SOX5: variants seen among roughly 807,000 people sequenced by gnomAD.
SOX5 encodes transcription factor SOX-5.
A neutral mutation model predicts 92.0 loss-of-function variants in SOX5; 9 were observed. The observed-to-expected ratio is 0.10, with a 90% confidence interval of 0.06 to 0.17. SOX5 has a LOEUF of 0.17. SOX5 is among the 10% of genes least tolerant of loss of function. The pLI is 1.00. For synonymous variants in SOX5, 344 were observed against 336.3 expected (o/e 1.02, Z -0.25); for missense variants, 642 against 944.5 (o/e 0.68, Z 4.20).
chr12:24,067,095 GATTGAC>G (rs1940873952), intron 4 of SOX5, among the ~76,000 whole-genome samples: 2 of 152,172 alleles, frequency 1.3e-5, no homozygotes, highest in Non-Finnish European at 2.9e-5. Context: ...AATGAACTCT[GATTGAC>G]ATGAAAGATG....
At chr12:24,002,752 A>C (rs1362664722) in intron 4 of SOX5, among the ~76,000 whole-genome samples, 1 of 152,078 alleles carries the variant, frequency 6.6e-6, no homozygotes, top group African/African-American at 2.4e-5. Context: ...TCATTTAGAG[A>C]GGAAACAGTA....
chr12:23,926,923 G>T (rs1940123039), intron 1 of SOX5, among the ~76,000 whole-genome samples: 2 of 151,788 alleles, frequency 1.3e-5, no homozygotes, highest in African/African-American at 4.8e-5. Flanking sequence ...ATCTGCATTG[G>T]GTAATAGGAT....
chr12:23,620,220 C>T lies in SOX5; in HGVS notation c.1018-15687G>A, dbSNP rs531029354. Among the ~76,000 whole-genome samples, 4 of 152,104 alleles carry T rather than the reference C, an allele frequency of 2.6e-5. No homozygotes were observed. The South Asian group carries it at 8.3e-4, about 32-fold the overall frequency. Reference sequence around the variant, plus strand: ...AGGAAACATGACAAGTTTGTAGTGTCAGAAAGAAGCCAGTGAGACGCAGTG... The same window carrying T: ...AGGAAACATGACAAGTTTGTAGTGTTAGAAAGAAGCCAGTGAGACGCAGTG... On this transcript the variant is annotated intron_variant, in intron 8 of 14. Coordinates refer to ENST00000451604, the MANE Select transcript of SOX5 (RefSeq NM_006940.6).
At chr12:24,411,127 T>C (rs1333868418) in intron 1 of SOX5, among the ~76,000 whole-genome samples, 1 of 152,214 alleles carries the variant, frequency 6.6e-6, no homozygotes, top group African/African-American at 2.4e-5. Flanking sequence ...TATACAAATA[T>C]AACTGACTTT....
At chr12:24,119,990 T>A (rs1221645787) in intron 4 of SOX5, among the ~76,000 whole-genome samples, 2 of 152,240 alleles carry the variant, frequency 1.3e-5, no homozygotes, top group African/African-American at 2.4e-5. Context: ...TATAGTTGTG[T>A]GCAGTTGTAG....
At chr12:23,766,578 A>G (rs1328743421) in intron 3 of SOX5, among the ~76,000 whole-genome samples, 1 of 152,174 alleles carries the variant, frequency 6.6e-6, no homozygotes, top group Non-Finnish European at 1.5e-5. Flanking sequence ...CATCATAACA[A>G]ATATCCAAAA....
intron 1 of SOX5, among the ~76,000 whole-genome samples, chr12:23,941,346 A>G (rs1201872179): frequency 6.6e-6 from 1 of 151,620 alleles, no homozygotes; most frequent in African/African-American, 2.4e-5. Context: ...TTTCTCTAGA[A>G]GAATGCTTTT....
At chr12:23,775,183 T>C (rs2095058583) in intron 3 of SOX5, among the ~76,000 whole-genome samples, 1 of 152,228 alleles carries the variant, frequency 6.6e-6, no homozygotes, top group African/African-American at 2.4e-5. Context: ...TTGTTTCCTT[T>C]TCCCTATCTT....
chr12:24,490,898 A>C (rs1946998222), intron 1 of SOX5, among the ~76,000 whole-genome samples: 1 of 152,196 alleles, frequency 6.6e-6, no homozygotes, highest in African/African-American at 2.4e-5. Flanking sequence ...ATGGCTAAAA[A>C]ATGATATCAC....
At chr12:24,289,056 A>G (rs77581305) in intron 2 of SOX5, among the ~76,000 whole-genome samples, 5,281 of 152,184 alleles carry the variant, frequency 0.035, 172 homozygotes, top group East Asian at 0.079. Flanking sequence ...AGGGAGGCCA[A>G]GGTTGCTTGA....
chr12:23,581,077 G>A (rs1949977226), intron 9 of SOX5, among the ~76,000 whole-genome samples: 2 of 151,904 alleles, frequency 1.3e-5, no homozygotes. Context: ...ATTTTATAAT[G>A]TACAAATACC....
At chr12:23,945,642 C>T (rs1291699331) in intron 1 of SOX5, among the ~76,000 whole-genome samples, 1 of 152,086 alleles carries the variant, frequency 6.6e-6, no homozygotes, top group East Asian at 1.9e-4. Context: ...GTCTCCTCTA[C>T]AATGTAGTAG....
intron 6 of SOX5, among the ~76,000 whole-genome samples, chr12:23,693,449 A>T (rs1567021332): frequency 6.6e-6 from 1 of 152,166 alleles, no homozygotes; most frequent in Non-Finnish European, 1.5e-5. Context: ...ATTAAATTTG[A>T]TAAAACTGTT....
intron 7 of SOX5, among the ~76,000 whole-genome samples, chr12:23,650,905 G>A (rs1464999531): frequency 3.9e-5 from 6 of 152,096 alleles, no homozygotes; most frequent in African/African-American, 1.4e-4. Flanking sequence ...ATTGGAAGAA[G>A]GAGAGACTGC....
intron 4 of SOX5, among the ~76,000 whole-genome samples, chr12:23,992,923 G>A (rs1404821054): frequency 2.0e-5 from 3 of 152,076 alleles, no homozygotes; most frequent in South Asian, 4.1e-4. Flanking sequence ...CTCTATAGTG[G>A]AATATGTGAA....
intron 13 of SOX5, 78 bp downstream of exon 13, chr12:23,543,133 C>T: frequency 8.1e-7 from 1 of 1,239,580 alleles, no homozygotes; most frequent in Non-Finnish European, 1.1e-6. Context: ...CCTCCAAATC[C>T]AGGATCCTTC....
chr12:23,700,661 G>A (rs1377797681), intron 6 of SOX5, among the ~76,000 whole-genome samples: 2 of 151,956 alleles, frequency 1.3e-5, no homozygotes, highest in African/African-American at 2.4e-5. Context: ...GAGAGGGTAG[G>A]AATAATGAAA....
At chr12:23,623,164 G>C (rs2077378678) in intron 8 of SOX5, among the ~76,000 whole-genome samples, 1 of 152,014 alleles carries the variant, frequency 6.6e-6, no homozygotes, top group African/African-American at 2.4e-5. Context: ...TTTTTTGAAA[G>C]GTACTGAGTT....
intron 4 of SOX5, among the ~76,000 whole-genome samples, chr12:23,755,207 T>C (rs890154814): frequency 2.6e-5 from 4 of 151,780 alleles, no homozygotes; most frequent in African/African-American, 9.7e-5. Flanking sequence ...CAACCTTTTA[T>C]TATGCTCTCC....
Sources: allele counts gnomAD v4.1 joint callset (sites outside exome capture counted in the v4.1 genomes callset), GRCh38; gene constraint gnomAD v4.1.1; transcripts MANE v1.5; gene names NCBI Gene and HGNC (gene_info 2026-07-23, HGNC 2026-07-21).